The following TNRC6B variants were observed in gnomAD, a reference collection of about 807,000 sequenced individuals.
The protein encoded by TNRC6B is trinucleotide repeat-containing gene 6B protein.
TNRC6B carries 52 observed loss-of-function variants against 203.6 expected under a neutral mutation model. The observed-to-expected ratio is 0.26, with a 90% CI of 0.20 to 0.32. The LOEUF (loss-of-function observed/expected upper bound fraction) is 0.32. TNRC6B is among the 10% of genes least tolerant of loss of function. The pLI, the probability that TNRC6B is intolerant of heterozygous loss-of-function variation, is 1.00. For synonymous variants in TNRC6B, 838 were observed against 845.7 expected, an observed-to-expected ratio of 0.99 and a Z score of 0.16; for missense variants, 1,923 against 2,286.2, an observed-to-expected ratio of 0.84 and a Z score of 3.24.
intron 3 of TNRC6B, among the ~76,000 whole-genome samples, chr22:40,134,768 G>A (rs1425169884): frequency 6.6e-6 from 1 of 152,030 alleles, no homozygotes; most frequent in Non-Finnish European, 1.5e-5. Flanking sequence ...GATATACTAA[G>A]GTAACATGTT....
intron 3 of TNRC6B, among the ~76,000 whole-genome samples, chr22:40,147,891 GGA>G (rs2068709182): frequency 1.3e-5 from 2 of 152,162 alleles, no homozygotes; most frequent in South Asian, 4.1e-4. Context: ...GAGGCAAAAT[GGA>G]GAGTGACTGC....
intron 3 of TNRC6B, among the ~76,000 whole-genome samples, chr22:40,255,010 G>A (rs147544374): frequency 7.9e-5 from 12 of 152,284 alleles, no homozygotes; most frequent in Middle Eastern, 3.4e-3. Flanking sequence ...TGTGGAGTTC[G>A]GGCCAGATTG....
upstream of TNRC6B, among the ~76,000 whole-genome samples, chr22:40,176,099 T>C (rs2069054094): frequency 6.6e-6 from 1 of 151,584 alleles, no homozygotes; most frequent in South Asian, 2.1e-4. Context: ...GTGGAGTCGA[T>C]AGTCACAGGG....
At chr22:40,231,589 T>C (rs1447629150) in intron 1 of TNRC6B, among the ~76,000 whole-genome samples, 1 of 152,210 alleles carries the variant, frequency 6.6e-6, no homozygotes, top group African/African-American at 2.4e-5. Context: ...TTTTTTTATA[T>C]TGATCTTGTA....
Position 40,262,069 on chromosome 22 carries a change from T to C in TNRC6B, c.353T>C (p.Leu118Pro), listed in dbSNP as rs765064389. Residue 118 changes from leucine (L) to proline (P), a missense_variant, in exon 4 of 23, where the codon CTT (leucine) becomes CCT (proline). Leu to Pro is a moderately conservative substitution (Grantham distance 98). Transcript: ENST00000454349. ...GQPPPPSCML[L>P]GGGAGPPPCT... Reference sequence around the variant, plus strand: ...CCCCCTCCACCGTCCTGCATGCTCCTTGGGGGTGGGGCAGGGCCTCCTCCC... The same window carrying C: ...CCCCCTCCACCGTCCTGCATGCTCCCTGGGGGTGGGGCAGGGCCTCCTCCC... 1.9e-6 allele frequency: 3 copies of C among 1,582,002 alleles called. No homozygotes were observed. Among genetic ancestry groups the C allele is most frequent in the East Asian group, 2.3e-5 (1 of 44,014 alleles).
chr22:40,206,454 CAG>C (rs2069478770), intron 1 of TNRC6B, among the ~76,000 whole-genome samples: 1 of 145,312 alleles, frequency 6.9e-6, no homozygotes. Context: ...TCTAAATAGA[CAG>C]AGCTTTGTCA....
chr22:40,148,290 T>C (rs1006921172), intron 3 of TNRC6B, among the ~76,000 whole-genome samples: 3 of 150,914 alleles, frequency 2.0e-5, no homozygotes, highest in African/African-American at 4.9e-5. Context: ...TTTCTTTTTT[T>C]TTTTTTTTTT....
chr22:40,077,360 A>G (rs2068025746), intron 1 of TNRC6B, among the ~76,000 whole-genome samples: 1 of 152,160 alleles, frequency 6.6e-6, no homozygotes, highest in Non-Finnish European at 1.5e-5. Flanking sequence ...CACTGCCTGA[A>G]GTCATTGTTT....
chr22:40,156,422 C>T (rs2068819318), intron 4 of TNRC6B, among the ~76,000 whole-genome samples: 1 of 152,150 alleles, frequency 6.6e-6, no homozygotes, highest in Non-Finnish European at 1.5e-5. Flanking sequence ...TATGTTGTAG[C>T]AAAGGCTTTA....
chr22:40,326,023 ACTTT>A lies in TNRC6B; in HGVS notation c.*2783_*2786del, dbSNP rs957420728. ...AAGCTTAAAGGGAAAAAAACTAAAA[ACTTT>A]AAAAAAAAAAGACCAAAAAGTGCGT... On this transcript the variant is annotated 3_prime_UTR_variant, in exon 23 of 23. Transcript: ENST00000454349. The A allele has an allele frequency of 1.3e-5, 2 of 152,322 alleles. No homozygotes were observed. The highest frequency in any genetic ancestry group is 4.8e-5 in the African/African-American group (2 of 41,324). The allele number at this position is 152,322 out of a possible 1,614,324, so 9.4% of individuals were successfully genotyped here. A position where few individuals can be genotyped will look rare whatever the true frequency, so the allele number is the denominator to read the frequency against.
intron 1 of TNRC6B, among the ~76,000 whole-genome samples, chr22:40,072,370 G>A (rs1207069568): frequency 6.6e-6 from 1 of 152,102 alleles, no homozygotes; most frequent in Non-Finnish European, 1.5e-5. Context: ...GTGGGCAGTG[G>A]GATGCAGATG....
chr22:40,062,013 G>A (rs1219857151), intron 1 of TNRC6B, among the ~76,000 whole-genome samples: 1 of 152,098 alleles, frequency 6.6e-6, no homozygotes, highest in Non-Finnish European at 1.5e-5. Flanking sequence ...GGCGGAGGTT[G>A]CAGTGATCTG....
chr22:40,265,916 CAG>C lies in TNRC6B; in HGVS notation c.1687_1688del (p.Ser563LeufsTer5). The C allele has an allele frequency of 6.2e-7, 1 of 1,614,034 alleles. No individual in the cohort carries two copies. The highest frequency in any genetic ancestry group is 8.5e-7 in the Non-Finnish European group (1 of 1,179,914). ...AGGCTCCCTGTTGGGGAAGATCTTCCAGCTCCACAGGAAGTGAAGTTGGAGGT... is the reference window on the plus strand; with the variant it reads ...AGGCTCCCTGTTGGGGAAGATCTTCCCTCCACAGGAAGTGAAGTTGGAGGT... ...AQAPCWGRSSSSTGSEVGGQS... is the reference protein window; with the variant it reads ...AQAPCWGRSSXSTGSEVGGQS... On this transcript the variant is annotated frameshift_variant, in exon 5 of 23. Transcript: ENST00000454349. LOFTEE classifies it high-confidence loss of function.
chr22:40,302,336 A>G (rs945608860), intron 15 of TNRC6B, among the ~76,000 whole-genome samples: 3 of 152,124 alleles, frequency 2.0e-5, no homozygotes, highest in African/African-American at 7.2e-5. Flanking sequence ...TTCTACGCAC[A>G]CTCAAAAAAC....
At chr22:40,170,772 C>T (rs571962887) in intron 4 of TNRC6B, among the ~76,000 whole-genome samples, 29 of 70,672 alleles carry the variant, frequency 4.1e-4, no homozygotes, top group African/African-American at 1.0e-3. Context: ...TGTATATATA[C>T]ATATATGTAC....
chr22:40,169,311 T>C (rs1407777593), intron 4 of TNRC6B, among the ~76,000 whole-genome samples: 2 of 151,932 alleles, frequency 1.3e-5, no homozygotes, highest in Non-Finnish European at 2.9e-5. Flanking sequence ...TTTGTATTTT[T>C]AGTAGAGACG....
chr22:40,120,278 T>C (rs1013573648), intron 2 of TNRC6B, among the ~76,000 whole-genome samples: 5 of 151,320 alleles, frequency 3.3e-5, no homozygotes, highest in African/African-American at 7.3e-5. Context: ...TGAGGCTACA[T>C]TGAGCCGTGA....
At chr22:40,264,366 T>A (rs2070438878) in intron 4 of TNRC6B, among the ~76,000 whole-genome samples, 1 of 152,142 alleles carries the variant, frequency 6.6e-6, no homozygotes, top group Non-Finnish European at 1.5e-5. Context: ...CAGGGGTGTT[T>A]AGAGTAGGTT....
chr22:40,182,026 C>T (rs1305336035), intron 1 of TNRC6B, among the ~76,000 whole-genome samples: 3 of 150,084 alleles, frequency 2.0e-5, no homozygotes, highest in African/African-American at 4.9e-5. Context: ...TGAGTGGATA[C>T]GAGGTCAGGA....
Sources: gnomAD v4.1 joint callset for allele counts (sites outside exome capture counted in the v4.1 genomes callset) on GRCh38, gnomAD v4.1.1 for gene constraint, MANE v1.5 for transcripts, NCBI Gene and HGNC (gene_info 2026-07-23, HGNC 2026-07-21) for gene names.